OPA1: variants seen among roughly 807,000 people sequenced by gnomAD.
OPA1 encodes OPA1 mitochondrial dynamin like GTPase.
OPA1 carries 59 observed loss-of-function variants against 152.9 expected under a neutral mutation model. That is an observed-to-expected ratio of 0.39 (90% CI 0.31 to 0.48). The LOEUF (loss-of-function observed/expected upper bound fraction) is 0.48. Ranked by LOEUF, OPA1 falls within the 20% of genes least tolerant of loss-of-function variation. The pLI is 0.96. For missense variants in OPA1, 1,008 were observed against 1,216.8 expected (o/e 0.83, Z 2.55); for synonymous variants, 400 against 389.9 (o/e 1.03, Z -0.31).
chr3:193,658,805 T>G, intron 23 of OPA1, 82 bp from the exon 24 acceptor site: 1 of 931,824 alleles, frequency 1.1e-6, no homozygotes, highest in Non-Finnish European at 1.8e-6. Flanking sequence ...TTTCCATATT[T>G]ACTAAGCTGT....
intron 29 of OPA1, among the ~76,000 whole-genome samples, chr3:193,682,390 T>C (rs1209575464): frequency 6.6e-6 from 1 of 152,204 alleles, no homozygotes; most frequent in African/African-American, 2.4e-5. Flanking sequence ...CAGCAAGTTA[T>C]CAAGAATATC....
intron 1 of OPA1, among the ~76,000 whole-genome samples, chr3:193,611,629 T>C (rs999606018): frequency 2.1e-5 from 3 of 144,422 alleles, no homozygotes; most frequent in African/African-American, 7.7e-5. Flanking sequence ...AAAGTTCAGC[T>C]AAGGCCACCA....
chr3:193,667,025 CAG>C (rs914965222), intron 28 of OPA1, 143 bp from the exon 29 acceptor site: 19 of 616,320 alleles, frequency 3.1e-5, no homozygotes, highest in South Asian at 7.7e-5. Flanking sequence ...TACTGTATAA[CAG>C]AGATTTTCTA....
At chr3:193,645,670 T>C in intron 17 of OPA1, 45 bp downstream of exon 17, 2 of 1,607,200 alleles carry the variant, frequency 1.2e-6, no homozygotes, top group Non-Finnish European at 1.7e-6. Context: ...GTTTCTGTTG[T>C]TTTCAAATAA....
At chr3:193,645,324 C>T (rs1013697054) in intron 16 of OPA1, among the ~76,000 whole-genome samples, 4 of 152,234 alleles carry the variant, frequency 2.6e-5, no homozygotes, top group Middle Eastern at 3.4e-3. Context: ...TAAAGAACTA[C>T]ACATCATTCC....
intron 29 of OPA1, among the ~76,000 whole-genome samples, chr3:193,676,788 G>A (rs1272897105): frequency 5.3e-5 from 8 of 152,016 alleles, no homozygotes; most frequent in East Asian, 1.9e-4. Context: ...AGACCATCCT[G>A]GCTAACACAG....
intron 8 of OPA1, among the ~76,000 whole-genome samples, chr3:193,633,987 C>T (rs1323482240): frequency 1.3e-5 from 2 of 152,166 alleles, no homozygotes; most frequent in South Asian, 2.1e-4. Context: ...ATTATGTATG[C>T]GTTCTTTTAA....
chr3:193,625,004 T>C (rs1382518742), intron 6 of OPA1, among the ~76,000 whole-genome samples: 1 of 152,168 alleles, frequency 6.6e-6, no homozygotes, highest in African/African-American at 2.4e-5. Flanking sequence ...CAGAACGCTG[T>C]TCTTAAACAA....
At chr3:193,673,200 C>T (rs772996758) in intron 29 of OPA1, among the ~76,000 whole-genome samples, 10 of 152,020 alleles carry the variant, frequency 6.6e-5, no homozygotes, top group Non-Finnish European at 1.2e-4. Context: ...AAAACTCAAG[C>T]CTTTGGAAAA....
chr3:193,617,181 A>G lies in OPA1; in HGVS notation c.452A>G (p.Lys151Arg), dbSNP rs1329178588. 1 of 1,579,550 alleles carries G rather than the reference A, an allele frequency of 6.3e-7. No individual in the cohort carries two copies. The highest frequency in any genetic ancestry group is 1.3e-5 in the African/African-American group (1 of 74,090). Residue 151 changes from lysine (K) to arginine (R), a missense_variant, in exon 4 of 31, where the codon AAA becomes AGA. Coordinates refer to ENST00000361510, the MANE Select transcript of OPA1 (RefSeq NM_130837.3). ...TATATGTTTTGATCTTTTCCAGAGA[A>G]AATTAGAAAAGCCCTTCCTAGTTCA... ...WEIDEYIDFE[K>R]IRKALPSSED...
chr3:193,599,114 G>A (rs1480565573), intron 1 of OPA1, among the ~76,000 whole-genome samples: 2 of 151,992 alleles, frequency 1.3e-5, no homozygotes, highest in Non-Finnish European at 2.9e-5. Context: ...TTACATCTGG[G>A]TAACTGAAAT....
intron 29 of OPA1, among the ~76,000 whole-genome samples, chr3:193,683,372 A>G (rs1489118214): frequency 6.6e-6 from 1 of 151,766 alleles, no homozygotes; most frequent in Non-Finnish European, 1.5e-5. Flanking sequence ...AAATGGCAGT[A>G]AAGGATTTAG....
intron 11 of OPA1, among the ~76,000 whole-genome samples, chr3:193,641,507 T>C (rs1733779682): frequency 6.6e-6 from 1 of 152,174 alleles, no homozygotes; most frequent in Non-Finnish European, 1.5e-5. Flanking sequence ...TTCTTTGGGA[T>C]TGTGGCACCT....
At position 193,615,657 on chromosome 3, in the gene OPA1, A is replaced by G. The variant is rs1728901660; in HGVS notation, c.352-17A>G. On this transcript the variant is annotated splice_polypyrimidine_tract_variant and intron_variant, in intron 2 of 30. Transcript: ENST00000361510. ...GGCATGCAGAGCATCTGATTGACAC[A>G]CTTTCTTGTCTTTTAGACTTTTGAT... is the stretch of plus-strand genomic sequence containing the variant. 4.2e-6 allele frequency: 6 copies of G among 1,432,456 alleles called. No individual in the cohort carries two copies. In the South Asian group the frequency reaches 5.7e-5, roughly 14 times the overall value. 88.7% of individuals were successfully genotyped at this position (1,432,456 alleles called of 1,614,324 possible). A position where few individuals can be genotyped will look rare whatever the true frequency, so the allele number is the denominator to read the frequency against.
chr3:193,691,187 C>T (rs537418979), intron 29 of OPA1, among the ~76,000 whole-genome samples: 24 of 152,196 alleles, frequency 1.6e-4, no homozygotes, highest in Non-Finnish European at 3.1e-4. Flanking sequence ...CACCACTGCA[C>T]GCCAACCTGG....
chr3:193,628,067 A>G (rs924988216), intron 7 of OPA1, among the ~76,000 whole-genome samples: 3 of 152,124 alleles, frequency 2.0e-5, no homozygotes, highest in Admixed American at 1.3e-4. Flanking sequence ...TGTAGTTACT[A>G]TAGAGATGAC....
chr3:193,683,940 A>G (rs1428853831), intron 29 of OPA1, among the ~76,000 whole-genome samples: 1 of 152,176 alleles, frequency 6.6e-6, no homozygotes, highest in Non-Finnish European at 1.5e-5. Flanking sequence ...GTATGCTGGG[A>G]CTTTGCTAGA....
chr3:193,651,784 A>T (rs1023960111), intron 21 of OPA1, among the ~76,000 whole-genome samples: 2 of 152,126 alleles, frequency 1.3e-5, no homozygotes, highest in African/African-American at 2.4e-5. Flanking sequence ...CGTAGACATA[A>T]TTTTTTTAAT....
rs2088376433 is a variant in OPA1, at chr3:193,695,270, AT to A, written c.*672del. On this transcript the variant is annotated 3_prime_UTR_variant, in exon 31 of 31. Transcript: ENST00000361510. ...AAGTCAGTACCAGCTTACCTATTTG[AT>A]TCAGTTGCTGTTTTCTCACTCTCTA... 6.6e-6 allele frequency: 1 copy of A among 152,158 alleles called. No homozygotes were observed. The highest frequency in any genetic ancestry group is 1.5e-5 in the Non-Finnish European group (1 of 68,000). 9.4% of individuals were successfully genotyped at this position (152,158 alleles called of 1,614,324 possible).
Sources: allele counts gnomAD v4.1 joint callset (sites outside exome capture counted in the v4.1 genomes callset), GRCh38; gene constraint gnomAD v4.1.1; transcripts MANE v1.5; gene names NCBI Gene and HGNC (gene_info 2026-07-23, HGNC 2026-07-21).